Variants in ADAM9 observed in about 807,000 individuals in gnomAD.
ADAM9 encodes disintegrin and metalloproteinase domain-containing protein 9.
Under a neutral mutation model 108.1 loss-of-function variants are expected in ADAM9, and 54 were observed. The observed-to-expected ratio is 0.50, with a 90% CI of 0.40 to 0.63. The LOEUF (loss-of-function observed/expected upper bound fraction) is 0.63, where lower values mean the gene tolerates loss of function less well. ADAM9 is among the 20% of genes least tolerant of loss of function. The pLI is 0.00. For missense variants in ADAM9, 830 were observed against 997.7 expected, an observed-to-expected ratio of 0.83 and a Z score of 2.26; for synonymous variants, 316 against 336.0, an observed-to-expected ratio of 0.94 and a Z score of 0.65.
chr8:39,030,551 A>G (rs183007027), intron 11 of ADAM9, among the ~76,000 whole-genome samples: 64 of 152,354 alleles, frequency 4.2e-4, no homozygotes, highest in African/African-American at 1.4e-3. Context: ...AAAAGCTGCC[A>G]TAAGTGTCCG....
Position 39,103,685 on chromosome 8 carries a change from T to G in ADAM9, c.2445T>G (p.Tyr815Ter). ...GTCCTGCTCCTGCACCTCCTTTATA[T>G]AGTTCCCTCACTTGATTTTTTTAAC... ...PARPAPAPPLYSSLT is the reference protein window; with the variant it reads ...PARPAPAPPL The change falls in exon 22 of 22, where the codon TAT (tyrosine) becomes TAG (stop). Residue 815 changes from tyrosine to a stop codon, truncating the protein, a stop_gained. Transcript: ENST00000487273. LOFTEE classifies it high-confidence loss of function. 1 of 1,613,892 alleles carries G rather than the reference T, an allele frequency of 6.2e-7. No homozygotes were observed. The highest frequency in any genetic ancestry group is 8.5e-7 in the Non-Finnish European group (1 of 1,179,806).
intron 10 of ADAM9, among the ~76,000 whole-genome samples, chr8:39,026,137 C>T (rs1435785953): frequency 6.6e-6 from 1 of 152,036 alleles, no homozygotes; most frequent in Non-Finnish European, 1.5e-5. Context: ...TGCAGAATGT[C>T]CAGGTTTGTT....
At chr8:39,068,034 T>G (rs1163079388) in intron 14 of ADAM9, among the ~76,000 whole-genome samples, 3 of 152,252 alleles carry the variant, frequency 2.0e-5, no homozygotes, top group African/African-American at 7.2e-5. Flanking sequence ...TCCGTTTATA[T>G]GCTGGATTAT....
At chr8:39,086,809 A>G (rs1378030799) in intron 18 of ADAM9, among the ~76,000 whole-genome samples, 2 of 152,218 alleles carry the variant, frequency 1.3e-5, no homozygotes, top group Non-Finnish European at 2.9e-5. Context: ...CTTTTAAGGC[A>G]GGACCTGAAT....
intron 16 of ADAM9, among the ~76,000 whole-genome samples, chr8:39,079,103 T>C (rs1838939481): frequency 6.6e-6 from 1 of 152,130 alleles, no homozygotes; most frequent in Admixed American, 6.5e-5. Context: ...CTTAAGTAGA[T>C]AGCAAAAATG....
chr8:39,074,562 C>T (rs1838795002), intron 15 of ADAM9, among the ~76,000 whole-genome samples: 1 of 151,948 alleles, frequency 6.6e-6, no homozygotes, highest in Non-Finnish European at 1.5e-5. Flanking sequence ...CACATGATCA[C>T]ATCACACCTA....
chr8:39,073,702 A>C (rs1008912352), intron 15 of ADAM9, among the ~76,000 whole-genome samples: 4 of 152,302 alleles, frequency 2.6e-5, no homozygotes, highest in African/African-American at 9.6e-5. Context: ...GCAGACTTGG[A>C]AAGAATTTGC....
At chr8:39,100,181 A>G (rs953011375) in intron 20 of ADAM9, among the ~76,000 whole-genome samples, 6 of 151,728 alleles carry the variant, frequency 4.0e-5, no homozygotes, top group Admixed American at 6.6e-5. Context: ...GTTTTGGTCT[A>G]TGTATACCTT....
chr8:39,054,711 C>G, intron 13 of ADAM9, 138 bp downstream of exon 13: 2 of 676,456 alleles, frequency 3.0e-6, no homozygotes, highest in Admixed American at 2.8e-5. Flanking sequence ...TTTTATGCCA[C>G]TTGTGTATAA....
rs1284996512 is a variant in ADAM9 at position 39,050,855 on chromosome 8, T to A, written c.1303-3626T>A. Reference sequence around the variant, plus strand: ...GTTTTTTTTTTTTTTTTTTTTTTTTTAATCACTATGTTAAACTGGGTAGAG... The same window carrying A: ...GTTTTTTTTTTTTTTTTTTTTTTTTAAATCACTATGTTAAACTGGGTAGAG... On this transcript the variant is annotated intron_variant, in intron 12 of 21. Coordinates refer to ENST00000487273, the MANE Select transcript of ADAM9 (RefSeq NM_003816.3). 6.3e-5 allele frequency among the ~76,000 whole-genome samples: 7 copies of A among 110,558 alleles called. 1 individual carries two copies. The highest frequency in any genetic ancestry group is 2.9e-4 in the Admixed American group (3 of 10,366). 72.5% of individuals were successfully genotyped at this position (110,558 alleles called of 152,430 possible).
rs1341337215 is a variant in ADAM9 at position 39,037,512 on chromosome 8, G to A, written c.1131-4434G>A. On this transcript the variant is annotated intron_variant, in intron 11 of 21. Transcript: ENST00000487273. ...TCTGGAGAGCAGTGGCTTGATCATA[G>A]CTCACTGCAGCCTTAAACTCCTCCC... is the stretch of plus-strand genomic sequence containing the variant. Among the ~76,000 whole-genome samples the A allele has an allele frequency of 2.9e-5, 4 of 136,616 alleles. No individual in the cohort carries two copies. The Admixed American group carries it at 3.1e-4, about 11-fold the overall frequency. The allele number at this position is 136,616 out of a possible 152,430, so 89.6% of individuals were successfully genotyped here. A position where few individuals can be genotyped will look rare whatever the true frequency, so the allele number is the denominator to read the frequency against.
intron 12 of ADAM9, among the ~76,000 whole-genome samples, chr8:39,044,335 G>C (rs184058184): frequency 6.6e-6 from 1 of 152,220 alleles, no homozygotes; most frequent in Non-Finnish European, 1.5e-5. Flanking sequence ...CGGGGGAAGG[G>C]ACTACCTTTT....
Position 39,055,558 on chromosome 8 carries a change from T to A in ADAM9, c.1396-19T>A. On this transcript the variant is annotated intron_variant, in intron 13 of 21. Coordinates refer to ENST00000487273, the MANE Select transcript of ADAM9 (RefSeq NM_003816.3). ...CATTATCCTGATATTTCTGTTTAAT[T>A]TGAATTCTATTTCACTAGTTCCTTC... The A allele has an allele frequency of 6.2e-7, 1 of 1,612,030 alleles. No individual in the cohort carries two copies. Among genetic ancestry groups the A allele is most frequent in the Non-Finnish European group, 8.5e-7 (1 of 1,178,278 alleles).
rs576534966 is a variant in ADAM9 at position 39,104,838 on chromosome 8, C to A, written c.*1138C>A. The A allele has an allele frequency of 1.3e-5, 6 of 451,374 alleles. No individual in the cohort carries two copies. The highest frequency in any genetic ancestry group is 1.4e-4 in the East Asian group (2 of 14,398). 28.0% of individuals were successfully genotyped at this position (451,374 alleles called of 1,614,324 possible). A position where few individuals can be genotyped will look rare whatever the true frequency, so the allele number is the denominator to read the frequency against. On this transcript the variant is annotated 3_prime_UTR_variant, in exon 22 of 22. Coordinates refer to ENST00000487273, the MANE Select transcript of ADAM9 (RefSeq NM_003816.3). Reference sequence around the variant, plus strand: ...TTACTATGGCAGATATGGTATGGATCGTAAAATTTTAAGCACTAAAAATTT... The same window carrying A: ...TTACTATGGCAGATATGGTATGGATAGTAAAATTTTAAGCACTAAAAATTT...
intron 21 of ADAM9, 77 bp downstream of exon 21, chr8:39,102,007 T>C: frequency 8.2e-7 from 1 of 1,218,192 alleles, no homozygotes; most frequent in Non-Finnish European, 1.2e-6. Flanking sequence ...CCCCTGTATT[T>C]TAATGTAATT....
chr8:39,021,335 T>G (rs1836731736), intron 7 of ADAM9, among the ~76,000 whole-genome samples: 1 of 152,078 alleles, frequency 6.6e-6, no homozygotes, highest in African/African-American at 2.4e-5. Flanking sequence ...CAGACTGGAG[T>G]GAAATGGCGG....
intron 16 of ADAM9, 138 bp from the exon 17 acceptor site, chr8:39,082,503 T>C: frequency 3.2e-6 from 2 of 633,690 alleles, no homozygotes; most frequent in South Asian, 2.0e-5. Context: ...TTTAAAAATA[T>C]AATATGGGAA....
intron 12 of ADAM9, among the ~76,000 whole-genome samples, chr8:39,043,280 A>G (rs886196294): frequency 2.0e-5 from 3 of 152,096 alleles, no homozygotes; most frequent in Non-Finnish European, 2.9e-5. Flanking sequence ...TTTATTTTAG[A>G]TAAGTACCCA....
intron 7 of ADAM9, 98 bp from the exon 8 acceptor site, chr8:39,021,545 A>G (rs1836739808): frequency 4.4e-6 from 5 of 1,124,638 alleles, no homozygotes; most frequent in African/African-American, 1.5e-5. Context: ...GGGCCTCTCA[A>G]AATGCTAGAA....
Sources: gnomAD v4.1 joint callset for allele counts (sites outside exome capture counted in the v4.1 genomes callset) on GRCh38, gnomAD v4.1.1 for gene constraint, MANE v1.5 for transcripts, NCBI Gene and HGNC (gene_info 2026-07-23, HGNC 2026-07-21) for gene names.